The following ANXA11 variants were observed in gnomAD, a reference collection of about 807,000 sequenced individuals.
ANXA11 encodes the protein 56 kDa autoantigen.
Under a neutral mutation model 64.7 loss-of-function variants are expected in ANXA11, and 57 were observed. That is an observed-to-expected ratio of 0.88 (90% CI 0.71 to 1.10). The LOEUF (loss-of-function observed/expected upper bound fraction) is 1.10. Among genes scored for constraint, ANXA11 ranks in the 50% least tolerant of loss-of-function variants. The pLI, the probability that ANXA11 is intolerant of heterozygous loss-of-function variation, is 0.00. For missense variants in ANXA11, 675 were observed against 670.7 expected (o/e 1.01, Z -0.07); for synonymous variants, 260 against 265.2 (o/e 0.98, Z 0.19).
intron 2 of ANXA11, 66 bp from the exon 3 acceptor site, chr10:80,172,935 G>T: frequency 6.8e-7 from 1 of 1,480,096 alleles, no homozygotes; most frequent in Non-Finnish European, 9.4e-7. Flanking sequence ...GTGGGACCCA[G>T]CTTCTTGAAA....
chr10:80,172,764 C>A, intron 3 of ANXA11, 43 bp downstream of exon 3: 2 of 1,590,284 alleles, frequency 1.3e-6, no homozygotes, highest in Non-Finnish European at 1.7e-6. Flanking sequence ...AGCCACTGTA[C>A]AGAGGCAGCA....
chr10:80,193,309 G>C (rs937045969), intron 1 of ANXA11, among the ~76,000 whole-genome samples: 7 of 152,086 alleles, frequency 4.6e-5, no homozygotes, highest in African/African-American at 1.7e-4. Context: ...GATAAATTAA[G>C]AAACAGTCAT....
intron 6 of ANXA11, 77 bp from the exon 7 acceptor site, chr10:80,167,061 C>A: frequency 3.7e-6 from 5 of 1,352,450 alleles, no homozygotes; most frequent in Non-Finnish European, 4.1e-6. Flanking sequence ...CTGGCCTGGG[C>A]CCCTCAACTG....
At chr10:80,167,383 C>T in intron 5 of ANXA11, 70 bp from the exon 6 acceptor site, 1 of 1,396,410 alleles carries the variant, frequency 7.2e-7, no homozygotes, top group Non-Finnish European at 1.0e-6. Context: ...GCTGCTCCAC[C>T]CCTAGACTCT....
In ANXA11 at chr10:80,191,404, C is replaced by T. The variant is rs528359771; in HGVS notation, c.-58+13939G>A. Among the ~76,000 whole-genome samples the T allele has an allele frequency of 2.0e-5, 3 of 152,046 alleles. No homozygotes were observed. The South Asian group carries it at 6.2e-4, about 32-fold the overall frequency. On this transcript the variant is annotated intron_variant, in intron 1 of 15. Transcript: ENST00000422982. Reference sequence around the variant, plus strand: ...CTCTGTCTCAAAAAACAAAAACAAACAACAACAAAAAAAACTTTAAAGAAA... The same window carrying T: ...CTCTGTCTCAAAAAACAAAAACAAATAACAACAAAAAAAACTTTAAAGAAA...
intron 1 of ANXA11, among the ~76,000 whole-genome samples, chr10:80,187,733 C>A (rs904618452): frequency 6.6e-6 from 1 of 152,118 alleles, no homozygotes; most frequent in African/African-American, 2.4e-5. Context: ...GGAGCTTCTG[C>A]CAGGGCCCGC....
chr10:80,182,430 G>A (rs568180275), intron 1 of ANXA11, among the ~76,000 whole-genome samples: 4 of 152,120 alleles, frequency 2.6e-5, no homozygotes, highest in Non-Finnish European at 5.9e-5. Flanking sequence ...AGTTTTCAAC[G>A]TACAGTTTAA....
intron 4 of ANXA11, among the ~76,000 whole-genome samples, chr10:80,169,815 C>A (rs1003447342): frequency 6.6e-6 from 1 of 152,202 alleles, no homozygotes; most frequent in African/African-American, 2.4e-5. Context: ...GCCTCCTACA[C>A]CCTGCAAGAG....
At chr10:80,174,601 T>C (rs1691628191) in intron 2 of ANXA11, among the ~76,000 whole-genome samples, 1 of 151,504 alleles carries the variant, frequency 6.6e-6, no homozygotes. Context: ...AAACAGCGTC[T>C]CACTCTATCA....
chr10:80,173,877 T>C (rs975489577), intron 2 of ANXA11, among the ~76,000 whole-genome samples: 2 of 152,182 alleles, frequency 1.3e-5, no homozygotes, highest in African/African-American at 4.8e-5. Flanking sequence ...TTAAAACACA[T>C]TGCTGGGCTC....
At chr10:80,188,891 C>G (rs777711725) in intron 1 of ANXA11, among the ~76,000 whole-genome samples, 27 of 152,218 alleles carry the variant, frequency 1.8e-4, no homozygotes, top group Middle Eastern at 3.4e-3. Flanking sequence ...GGGACCAGCC[C>G]AGCCCACACA....
intron 1 of ANXA11, among the ~76,000 whole-genome samples, chr10:80,203,648 A>G (rs1021629796): frequency 2.6e-5 from 4 of 152,152 alleles, no homozygotes; most frequent in Admixed American, 6.6e-5. Flanking sequence ...GCGATAAGCC[A>G]CACCGCCACA....
At chr10:80,158,655 A>G (rs1050214205) in intron 13 of ANXA11, among the ~76,000 whole-genome samples, 4 of 152,048 alleles carry the variant, frequency 2.6e-5, no homozygotes, top group Non-Finnish European at 4.4e-5. Context: ...TAAGAGGCAC[A>G]CCACCATCCT....
At chr10:80,172,419 C>T (rs752135763) in intron 3 of ANXA11, among the ~76,000 whole-genome samples, 2 of 152,196 alleles carry the variant, frequency 1.3e-5, no homozygotes, top group Non-Finnish European at 2.9e-5. Flanking sequence ...GACACCGTGT[C>T]GCTCTGCCTG....
chr10:80,159,971 A>G (rs980966754), intron 12 of ANXA11, among the ~76,000 whole-genome samples: 4 of 152,104 alleles, frequency 2.6e-5, no homozygotes, highest in African/African-American at 9.7e-5. Flanking sequence ...GCTCACCTCG[A>G]CCTAGGACAC....
intron 5 of ANXA11, 61 bp from the exon 6 acceptor site, chr10:80,167,374 C>T (rs1018116502): frequency 1.4e-6 from 2 of 1,469,230 alleles, no homozygotes; most frequent in Non-Finnish European, 1.9e-6. Context: ...ACATTCAAGG[C>T]TGCTCCACCC....
At chr10:80,189,629 A>G (rs1187180347) in intron 1 of ANXA11, among the ~76,000 whole-genome samples, 1 of 152,254 alleles carries the variant, frequency 6.6e-6, no homozygotes, top group African/African-American at 2.4e-5. Flanking sequence ...GAATACTGGC[A>G]TCATACTTAC....
rs375262870 is a variant in ANXA11, at chr10:80,176,589, G to C, written c.-57-434C>G. Among the ~76,000 whole-genome samples, 12 of 152,332 alleles carry C rather than the reference G, an allele frequency of 7.9e-5. No individual in the cohort carries two copies. In the East Asian group the frequency reaches 1.7e-3, roughly 22 times the overall value. On this transcript the variant is annotated intron_variant, in intron 1 of 15. Transcript: ENST00000422982. ...TTTAAAAAGGCCCAATTCAGGTGCAGATTTCTGAGCTCACTTGAGGCTAGC... is the reference window on the plus strand; with the variant it reads ...TTTAAAAAGGCCCAATTCAGGTGCACATTTCTGAGCTCACTTGAGGCTAGC...
At chr10:80,188,480 CATATATATATATAT>C (rs71034291) in intron 1 of ANXA11, among the ~76,000 whole-genome samples, 31 of 100,542 alleles carry the variant, frequency 3.1e-4, no homozygotes, top group South Asian at 9.1e-4. Flanking sequence ...AGTATTCTCA[CATATATATATATAT>C]ATATATATAT....
Sources: gnomAD v4.1 joint callset for allele counts (sites outside exome capture counted in the v4.1 genomes callset) on GRCh38, gnomAD v4.1.1 for gene constraint, MANE v1.5 for transcripts, NCBI Gene and HGNC (gene_info 2026-07-23, HGNC 2026-07-21) for gene names.